Variants in MROH9 observed in about 807,000 individuals in gnomAD.
MROH9 encodes maestro heat like repeat family member 9.
In MROH9, 92 loss-of-function variants were observed where a neutral mutation model predicts 98.2. That is an observed-to-expected ratio of 0.94 (90% CI 0.79 to 1.11). The LOEUF (loss-of-function observed/expected upper bound fraction) is 1.11. MROH9 is among the 50% of genes most tolerant of loss of function. MROH9 has a pLI of 0.00. For missense variants in MROH9, 1,057 were observed against 1,014.8 expected, an observed-to-expected ratio of 1.04 and a Z score of -0.57; for synonymous variants, 397 against 368.9, an observed-to-expected ratio of 1.08 and a Z score of -0.87.
intron 8 of MROH9, among the ~76,000 whole-genome samples, chr1:170,978,041 G>T (rs934965646): frequency 3.9e-5 from 6 of 152,160 alleles, no homozygotes; most frequent in Non-Finnish European, 8.8e-5. Flanking sequence ...TTAGTCTGAG[G>T]GTAGCAGGGA....
chr1:170,936,734 T>A (rs1370078381), intron 1 of MROH9, among the ~76,000 whole-genome samples: 3 of 152,186 alleles, frequency 2.0e-5, no homozygotes, highest in African/African-American at 7.2e-5. Flanking sequence ...TGTAGTGGGA[T>A]TGATAAGGAA....
At chr1:170,953,099 AGATT>A (rs1379935720) in intron 3 of MROH9, among the ~76,000 whole-genome samples, 4 of 152,172 alleles carry the variant, frequency 2.6e-5, no homozygotes, top group African/African-American at 9.6e-5. Context: ...CTGAATTTAT[AGATT>A]AAGTTATGAA....
At chr1:171,033,350 G>A (rs1285226529) in intron 20 of MROH9, among the ~76,000 whole-genome samples, 2 of 152,266 alleles carry the variant, frequency 1.3e-5, no homozygotes, top group Admixed American at 1.3e-4. Context: ...AGGCTGTTAA[G>A]AGTCTGCACA....
chr1:171,058,015 A>T (rs1310495235), intron 20 of MROH9, among the ~76,000 whole-genome samples: 1 of 152,202 alleles, frequency 6.6e-6, no homozygotes, highest in Non-Finnish European at 1.5e-5. Context: ...GAAACAAATA[A>T]AGCATATTCA....
chr1:171,006,371 TA>T (rs1651952774), intron 15 of MROH9, among the ~76,000 whole-genome samples: 1 of 152,192 alleles, frequency 6.6e-6, no homozygotes, highest in African/African-American at 2.4e-5. Context: ...TTACTTTTAA[TA>T]ATTAGATTAT....
At chr1:171,038,337 C>G (rs1399724420) in intron 20 of MROH9, among the ~76,000 whole-genome samples, 2 of 152,092 alleles carry the variant, frequency 1.3e-5, no homozygotes, top group Non-Finnish European at 2.9e-5. Flanking sequence ...GACAAAGATG[C>G]AAAGTTTTGT....
At chr1:171,063,275 A>G (rs1165745572) in intron 21 of MROH9, among the ~76,000 whole-genome samples, 1 of 118,102 alleles carries the variant, frequency 8.5e-6, no homozygotes, top group Non-Finnish European at 1.7e-5. Flanking sequence ...TTTTTTTGAG[A>G]CGGAGTCTCC....
At chr1:170,949,955 T>C (rs1014358783) in intron 3 of MROH9, among the ~76,000 whole-genome samples, 1 of 151,960 alleles carries the variant, frequency 6.6e-6, no homozygotes, top group African/African-American at 2.4e-5. Flanking sequence ...ATAGTAAAAA[T>C]AGCTAAAACT....
chr1:171,045,635 T>C (rs1233653952), intron 20 of MROH9, among the ~76,000 whole-genome samples: 1 of 152,176 alleles, frequency 6.6e-6, no homozygotes, highest in Non-Finnish European at 1.5e-5. Flanking sequence ...TTAGTTTTAT[T>C]CCATTGTGGT....
chr1:170,957,920 T>G (rs1042388351), intron 3 of MROH9, among the ~76,000 whole-genome samples: 7 of 151,972 alleles, frequency 4.6e-5, no homozygotes, highest in African/African-American at 1.7e-4. Context: ...GCCATTCTCC[T>G]GCCTCGGTCT....
intron 17 of MROH9, among the ~76,000 whole-genome samples, chr1:171,018,064 T>C (rs1027335947): frequency 6.6e-6 from 1 of 152,064 alleles, no homozygotes; most frequent in African/African-American, 2.4e-5. Context: ...CTTTGTTAAG[T>C]GGGTCCTGCT....
At chr1:171,017,927 C>T (rs149616672) in intron 17 of MROH9, among the ~76,000 whole-genome samples, 1 of 152,282 alleles carries the variant, frequency 6.6e-6, no homozygotes, top group Non-Finnish European at 1.5e-5. Context: ...GGAGGGGTGG[C>T]CACAGTCTCT....
intron 5 of MROH9, among the ~76,000 whole-genome samples, chr1:170,960,240 T>A (rs1330567670): frequency 6.6e-6 from 1 of 152,222 alleles, no homozygotes; most frequent in Non-Finnish European, 1.5e-5. Flanking sequence ...TGTAGGCTGC[T>A]ATTTTTTTAC....
At chr1:171,003,779 G>T (rs1173858783) in intron 15 of MROH9, among the ~76,000 whole-genome samples, 2 of 152,084 alleles carry the variant, frequency 1.3e-5, no homozygotes, top group Non-Finnish European at 2.9e-5. Flanking sequence ...GAGAGGGACT[G>T]GTGGTGGGTA....
intron 17 of MROH9, among the ~76,000 whole-genome samples, chr1:171,020,038 C>T (rs766211214): frequency 3.7e-4 from 56 of 152,222 alleles, no homozygotes; most frequent in Non-Finnish European, 6.5e-4. Flanking sequence ...AATTCCTGGA[C>T]GCATACACCC....
At chr1:170,943,870 C>T (rs1307483350) in intron 1 of MROH9, among the ~76,000 whole-genome samples, 1 of 151,794 alleles carries the variant, frequency 6.6e-6, no homozygotes, top group Non-Finnish European at 1.5e-5. Flanking sequence ...TTTAGCTCAA[C>T]AAGAAATGAA....
intron 14 of MROH9, 62 bp downstream of exon 14, chr1:170,996,706 C>T: frequency 3.3e-6 from 5 of 1,536,670 alleles, no homozygotes; most frequent in Non-Finnish European, 4.4e-6. Context: ...CAACTTCCTT[C>T]AATAAGCCAT....
At chr1:171,021,718 A>G (rs1448838077) in intron 17 of MROH9, among the ~76,000 whole-genome samples, 4 of 152,200 alleles carry the variant, frequency 2.6e-5, no homozygotes, top group African/African-American at 9.7e-5. Flanking sequence ...CAAAAACACC[A>G]AAAGCAATTG....
intron 20 of MROH9, among the ~76,000 whole-genome samples, chr1:171,034,131 T>G (rs2101851571): frequency 6.6e-6 from 1 of 152,198 alleles, no homozygotes; most frequent in South Asian, 2.1e-4. Flanking sequence ...CTAAAAAAAC[T>G]TTTATAGTAT....
Sources: allele counts gnomAD v4.1 joint callset (sites outside exome capture counted in the v4.1 genomes callset), GRCh38; gene constraint gnomAD v4.1.1; transcripts MANE v1.5; gene names NCBI Gene and HGNC (gene_info 2026-07-23, HGNC 2026-07-21).